Variants in VPS13B observed in about 807,000 individuals in gnomAD.
VPS13B encodes vacuolar protein sorting 13 homolog B, also known as intermembrane lipid transfer protein VPS13B.
In VPS13B, 285 loss-of-function variants were observed where a neutral mutation model predicts 426.4. The observed-to-expected ratio is 0.67, with a 90% confidence interval of 0.61 to 0.74. The LOEUF (loss-of-function observed/expected upper bound fraction) is 0.74. Among genes scored for constraint, VPS13B ranks in the 30% least tolerant of loss-of-function variants. The pLI is 0.00. For synonymous variants in VPS13B, 1,676 were observed against 1,676.4 expected (o/e 1.00, Z 0.01); for missense variants, 4,537 against 4,782.6 (o/e 0.95, Z 1.51).
At chr8:99,455,030 T>G (rs1043014489) in intron 23 of VPS13B, among the ~76,000 whole-genome samples, 2 of 152,212 alleles carry the variant, frequency 1.3e-5, no homozygotes, top group African/African-American at 2.4e-5. Flanking sequence ...ATCAGATGTT[T>G]TGTCAGATAT....
intron 15 of VPS13B, among the ~76,000 whole-genome samples, chr8:99,167,519 A>G (rs79672274): frequency 6.6e-6 from 1 of 151,990 alleles, no homozygotes; most frequent in Non-Finnish European, 1.5e-5. Context: ...TACAATTAGC[A>G]TGTGCTTTTT....
chr8:99,198,983 T>C (rs1389268486), intron 17 of VPS13B, among the ~76,000 whole-genome samples: 1 of 152,172 alleles, frequency 6.6e-6, no homozygotes, highest in East Asian at 1.9e-4. Flanking sequence ...TTTATTATTT[T>C]GCGTCTGAGG....
intron 13 of VPS13B, among the ~76,000 whole-genome samples, chr8:99,146,588 T>C (rs1810739039): frequency 6.6e-6 from 1 of 152,172 alleles, no homozygotes; most frequent in African/African-American, 2.4e-5. Flanking sequence ...TTGTTTTTGT[T>C]TGGAGATGGG....
At chr8:99,784,046 G>A (rs1294721957) in intron 42 of VPS13B, among the ~76,000 whole-genome samples, 1 of 152,084 alleles carries the variant, frequency 6.6e-6, no homozygotes, top group East Asian at 1.9e-4. Context: ...AAAGTTTGAG[G>A]GATCTCATTG....
intron 7 of VPS13B, among the ~76,000 whole-genome samples, chr8:99,118,447 A>G (rs1352005680): frequency 6.6e-6 from 1 of 152,126 alleles, no homozygotes; most frequent in Non-Finnish European, 1.5e-5. Flanking sequence ...AATGAGTTTG[A>G]GAAATACATA....
chr8:99,105,687 A>G (rs949336073), intron 5 of VPS13B, among the ~76,000 whole-genome samples: 6 of 152,136 alleles, frequency 3.9e-5, no homozygotes, highest in African/African-American at 1.4e-4. Context: ...CCAGAAATTT[A>G]ATTTTAGTAT....
intron 21 of VPS13B, among the ~76,000 whole-genome samples, chr8:99,403,308 A>G (rs3105183): frequency 0.26 from 39,365 of 151,932 alleles, 5,773 homozygotes; most frequent in East Asian, 0.44. Context: ...AAGCACTTTA[A>G]GAGGTCGAGG....
chr8:99,414,585 C>T (rs949018794), intron 21 of VPS13B, among the ~76,000 whole-genome samples: 11 of 152,218 alleles, frequency 7.2e-5, no homozygotes, highest in South Asian at 4.1e-4. Flanking sequence ...TTTTATGCTT[C>T]GTTCAGAAGC....
intron 21 of VPS13B, among the ~76,000 whole-genome samples, chr8:99,431,024 A>G (rs1170944456): frequency 6.6e-6 from 1 of 152,108 alleles, no homozygotes; most frequent in Non-Finnish European, 1.5e-5. Context: ...GGCCAAAATC[A>G]CTTTTTAAAA....
chr8:99,328,625 G>A (rs773046966), intron 19 of VPS13B, among the ~76,000 whole-genome samples: 11 of 152,106 alleles, frequency 7.2e-5, no homozygotes, highest in Non-Finnish European at 1.6e-4. Flanking sequence ...TCAAGTATTT[G>A]CAAGGAGATA....
chr8:99,687,488 A>G (rs1208209729), intron 35 of VPS13B, among the ~76,000 whole-genome samples: 1 of 151,994 alleles, frequency 6.6e-6, no homozygotes, highest in Non-Finnish European at 1.5e-5. Context: ...CTGCAGTGGC[A>G]AGGCTTGCCA....
chr8:99,664,616 T>G (rs957537107), intron 35 of VPS13B, among the ~76,000 whole-genome samples: 1 of 152,142 alleles, frequency 6.6e-6, no homozygotes, highest in Admixed American at 6.6e-5. Context: ...TGTTTTCCAG[T>G]TTCATCCTTG....
chr8:99,391,546 T>C lies in VPS13B; in HGVS notation c.2935-11T>C. The C allele has an allele frequency of 6.2e-7, 1 of 1,614,202 alleles. No individual in the cohort carries two copies. Among genetic ancestry groups the C allele is most frequent in the Non-Finnish European group, 8.5e-7 (1 of 1,180,028 alleles). On this transcript the variant is annotated splice_polypyrimidine_tract_variant and intron_variant, in intron 20 of 61. Coordinates refer to ENST00000357162, the MANE Select transcript of VPS13B (RefSeq NM_152564.5). ...AAAAACTAAAAAGGTTTTCATTTTG[T>C]CTCTTTCCAGCAGCCTGTGGTAGCT...
At chr8:99,801,218 C>G (rs951857444) in intron 43 of VPS13B, among the ~76,000 whole-genome samples, 17 of 152,082 alleles carry the variant, frequency 1.1e-4, no homozygotes, top group African/African-American at 4.1e-4. Flanking sequence ...CAAGATTTGA[C>G]CTCCTAAAAC....
chr8:99,501,603 A>T (rs1347462618), intron 25 of VPS13B, 84 bp from the exon 26 acceptor site: 1 of 1,384,444 alleles, frequency 7.2e-7, no homozygotes, highest in East Asian at 2.5e-5. Flanking sequence ...ACAAATAATA[A>T]TTTCTGATTT....
chr8:99,525,542 C>A (rs1320221597), intron 30 of VPS13B, among the ~76,000 whole-genome samples: 2 of 152,078 alleles, frequency 1.3e-5, no homozygotes, highest in Admixed American at 6.5e-5. Context: ...GAATGAAAAT[C>A]TTTCAAATTA....
intron 13 of VPS13B, among the ~76,000 whole-genome samples, chr8:99,144,741 G>A (rs1810613602): frequency 6.6e-6 from 1 of 152,124 alleles, no homozygotes; most frequent in Non-Finnish European, 1.5e-5. Flanking sequence ...TATGTGCTAG[G>A]ATAGTATAGC....
chr8:99,771,748 G>A (rs534785544), intron 40 of VPS13B, among the ~76,000 whole-genome samples: 10 of 152,198 alleles, frequency 6.6e-5, no homozygotes, highest in Admixed American at 5.2e-4. Flanking sequence ...TCTCCATTTG[G>A]CTACTTGGGT....
intron 23 of VPS13B, among the ~76,000 whole-genome samples, chr8:99,458,632 C>A (rs1818651985): frequency 6.6e-6 from 1 of 152,188 alleles, no homozygotes; most frequent in Non-Finnish European, 1.5e-5. Flanking sequence ...GAGATGGTAT[C>A]TCATTGTGGT....
Sources: allele counts gnomAD v4.1 joint callset (sites outside exome capture counted in the v4.1 genomes callset), GRCh38; gene constraint gnomAD v4.1.1; transcripts MANE v1.5; gene names NCBI Gene and HGNC (gene_info 2026-07-23, HGNC 2026-07-21).